Variants in ATP10B observed in about 807,000 individuals in gnomAD.
The protein encoded by ATP10B is ATPase phospholipid transporting 10B (putative), also known as phospholipid-transporting ATPase VB.
A neutral mutation model predicts 141.2 loss-of-function variants in ATP10B; 122 were observed. The observed-to-expected ratio is 0.86, with a 90% CI of 0.75 to 1.00. The LOEUF is 1.00. Ranked by LOEUF, ATP10B falls within the 50% of genes least tolerant of loss-of-function variation. The pLI is 0.00. For synonymous variants in ATP10B, 685 were observed against 692.0 expected, an observed-to-expected ratio of 0.99 and a Z score of 0.16; for missense variants, 1,876 against 1,825.3, an observed-to-expected ratio of 1.03 and a Z score of -0.51.
At chr5:160,574,444 T>G (rs1399568004) in intron 24 of ATP10B, among the ~76,000 whole-genome samples, 1 of 152,114 alleles carries the variant, frequency 6.6e-6, no homozygotes, top group African/African-American at 2.4e-5. Flanking sequence ...AAAAAAAATT[T>G]TTTTTCTACA....
At chr5:160,786,677 C>T (rs1160818863) in intron 1 of ATP10B, among the ~76,000 whole-genome samples, 1 of 152,106 alleles carries the variant, frequency 6.6e-6, no homozygotes, top group African/African-American at 2.4e-5. Context: ...ACTTTGGAGA[C>T]AATGAAGTTG....
intron 7 of ATP10B, among the ~76,000 whole-genome samples, chr5:160,656,782 C>T (rs573401255): frequency 3.7e-4 from 56 of 152,134 alleles, no homozygotes; most frequent in African/African-American, 1.2e-3. Context: ...GAAATCCCTC[C>T]GTGTCCATTA....
chr5:160,804,168 T>A (rs563583811), intron 1 of ATP10B, among the ~76,000 whole-genome samples: 1 of 152,212 alleles, frequency 6.6e-6, no homozygotes, highest in Admixed American at 6.5e-5. Flanking sequence ...GGATGAGGGT[T>A]GTGTGTTGTG....
chr5:160,912,674 GAAAGA>G, the ATP10B span, among the ~76,000 whole-genome samples: 1 of 142,286 alleles, frequency 7.0e-6, no homozygotes, highest in African/African-American at 2.6e-5. Flanking sequence ...AAGAAAAGAG[GAAAGA>G]AAAGGAGAAA....
At position 160,814,922 on chromosome 5, in the gene ATP10B, G is replaced by GAC. The variant is rs1268035128; in HGVS notation, c.-575-29120_-575-29119insGT. 1.6e-4 allele frequency among the ~76,000 whole-genome samples: 24 copies of GAC among 152,160 alleles called. 1 individual carries two copies. The highest frequency in any genetic ancestry group is 3.1e-4 in the Non-Finnish European group (21 of 68,034). ...TGAAGGAGAAATAAAATCCTTTACA[G>GAC]AGAAGCAAATGCTGAGAGATTTTGT... On this transcript the variant is annotated intron_variant, in intron 1 of 25. Transcript: ENST00000327245.
At chr5:160,820,138 A>G (rs1183945658) in intron 1 of ATP10B, among the ~76,000 whole-genome samples, 1 of 133,336 alleles carries the variant, frequency 7.5e-6, no homozygotes, top group South Asian at 2.3e-4. Flanking sequence ...CTTTAGTGAG[A>G]TTAATGAAAA....
intron 16 of ATP10B, among the ~76,000 whole-genome samples, chr5:160,617,110 A>G (rs62391639): frequency 2.5e-3 from 387 of 152,294 alleles, no homozygotes; most frequent in Admixed American, 5.5e-3. Flanking sequence ...AAAGACATGA[A>G]AAGTCCTGGG....
intron 1 of ATP10B, among the ~76,000 whole-genome samples, chr5:160,836,251 A>G (rs1775422561): frequency 6.6e-6 from 1 of 152,142 alleles, no homozygotes; most frequent in African/African-American, 2.4e-5. Context: ...CACACAGAAA[A>G]TGACAGTTGG....
intron 7 of ATP10B, among the ~76,000 whole-genome samples, chr5:160,659,640 G>T (rs1341312608): frequency 6.6e-6 from 1 of 151,964 alleles, no homozygotes; most frequent in Non-Finnish European, 1.5e-5. Flanking sequence ...AGGAGAGTGT[G>T]TACCCACATG....
At chr5:160,589,549 C>T in intron 24 of ATP10B, 43 bp downstream of exon 24, 1 of 1,456,324 alleles carries the variant, frequency 6.9e-7, no homozygotes, top group Non-Finnish European at 9.6e-7. Context: ...AGTCAATGGG[C>T]AGGAGCACAG....
the ATP10B span, among the ~76,000 whole-genome samples, chr5:160,928,557 C>T: frequency 1.3e-5 from 2 of 152,122 alleles, no homozygotes; most frequent in Non-Finnish European, 2.9e-5. Flanking sequence ...GTTAACTTCT[C>T]GGAGTCTCAC....
At chr5:160,829,283 TC>T (rs1774887245) in intron 1 of ATP10B, among the ~76,000 whole-genome samples, 4 of 152,114 alleles carry the variant, frequency 2.6e-5, no homozygotes, top group Non-Finnish European at 5.9e-5. Context: ...TGGTTTTATT[TC>T]TGGTTTTTCT....
chr5:160,881,986 A>G, the ATP10B span, among the ~76,000 whole-genome samples: 8 of 152,318 alleles, frequency 5.3e-5, no homozygotes, highest in African/African-American at 1.9e-4. Flanking sequence ...CCTTAAATGC[A>G]TATTACTAAG....
chr5:160,895,381 AAAAAAATG>A, the ATP10B span, among the ~76,000 whole-genome samples: 14,850 of 152,136 alleles, frequency 0.098, 812 homozygotes, highest in Non-Finnish European at 0.12. Context: ...AAAGGAAAGC[AAAAAAATG>A]AGGGGTTGCA....
chr5:160,750,853 T>G (rs1768105703), intron 2 of ATP10B, among the ~76,000 whole-genome samples: 1 of 152,210 alleles, frequency 6.6e-6, no homozygotes, highest in South Asian at 2.1e-4. Context: ...CAAGCTGAGG[T>G]GTCTCACTTC....
At chr5:160,775,166 C>G (rs1306570378) in intron 2 of ATP10B, among the ~76,000 whole-genome samples, 1 of 152,206 alleles carries the variant, frequency 6.6e-6, no homozygotes, top group African/African-American at 2.4e-5. Context: ...GGGCTTTGCC[C>G]TGGCCTACGT....
At chr5:160,901,404 C>T in the ATP10B span, among the ~76,000 whole-genome samples, 63 of 152,230 alleles carry the variant, frequency 4.1e-4, no homozygotes, top group African/African-American at 1.5e-3. Context: ...TCTCCAGTAG[C>T]TAAGGATTCA....
At chr5:160,786,384 G>A (rs35398074) in intron 1 of ATP10B, among the ~76,000 whole-genome samples, 1 of 152,198 alleles carries the variant, frequency 6.6e-6, no homozygotes, top group Middle Eastern at 3.4e-3. Flanking sequence ...TCTCTGCTTA[G>A]GCTAGTTTTT....
At chr5:160,721,237 C>T (rs1423834960) in intron 2 of ATP10B, among the ~76,000 whole-genome samples, 3 of 151,970 alleles carry the variant, frequency 2.0e-5, no homozygotes, top group Non-Finnish European at 4.4e-5. Context: ...AATGAATATC[C>T]GTGGGAAATC....
Sources: allele counts gnomAD v4.1 joint callset (sites outside exome capture counted in the v4.1 genomes callset), GRCh38; gene constraint gnomAD v4.1.1; transcripts MANE v1.5; gene names NCBI Gene and HGNC (gene_info 2026-07-23, HGNC 2026-07-21).